The following NPHP4 variants were observed in gnomAD, a reference collection of about 807,000 sequenced individuals.
NPHP4 encodes nephrocystin 4.
NPHP4 carries 151 observed loss-of-function variants against 155.8 expected under a neutral mutation model. The observed-to-expected ratio is 0.97, with a 90% confidence interval of 0.85 to 1.11. The LOEUF (loss-of-function observed/expected upper bound fraction) is 1.11. Among genes scored for constraint, NPHP4 ranks in the 50% least tolerant of loss-of-function variants. The pLI is 0.00. For synonymous variants in NPHP4, 845 were observed against 816.8 expected (o/e 1.03, Z -0.59); for missense variants, 1,956 against 1,925.7 (o/e 1.02, Z -0.29).
At chr1:5,885,161 T>C (rs1420955001) in intron 18 of NPHP4, among the ~76,000 whole-genome samples, 1 of 133,636 alleles carries the variant, frequency 7.5e-6, no homozygotes, top group Non-Finnish European at 1.6e-5. Flanking sequence ...CGAACCCCCA[T>C]CCTACTCGAC....
At chr1:5,939,781 A>G (rs1329895557) in intron 9 of NPHP4, among the ~76,000 whole-genome samples, 1 of 152,216 alleles carries the variant, frequency 6.6e-6, no homozygotes, top group Non-Finnish European at 1.5e-5. Flanking sequence ...GGCTGGCCCC[A>G]GGCCTGCTGT....
chr1:5,980,712 C>G (rs926672069), intron 2 of NPHP4, among the ~76,000 whole-genome samples: 4 of 151,826 alleles, frequency 2.6e-5, no homozygotes, highest in African/African-American at 9.7e-5. Flanking sequence ...CTGCCTAGGT[C>G]GGCCCAGCCC....
intron 9 of NPHP4, among the ~76,000 whole-genome samples, chr1:5,940,808 C>T (rs1276616212): frequency 2.0e-5 from 3 of 152,078 alleles, no homozygotes; most frequent in South Asian, 2.1e-4. Context: ...TAGACTTGAA[C>T]AAATGGAAAG....
At chr1:5,939,472 T>C (rs1426402909) in intron 9 of NPHP4, among the ~76,000 whole-genome samples, 1 of 152,078 alleles carries the variant, frequency 6.6e-6, no homozygotes, top group Non-Finnish European at 1.5e-5. Flanking sequence ...AGGGCCTGGG[T>C]TGGGCAGGTG....
intron 16 of NPHP4, among the ~76,000 whole-genome samples, chr1:5,903,515 G>A (rs1442060372): frequency 6.6e-6 from 1 of 152,088 alleles, no homozygotes; most frequent in Non-Finnish European, 1.5e-5. Context: ...TGACCAAGAT[G>A]GGGAAACTGA....
chr1:5,871,654 G>A (rs922351219), intron 23 of NPHP4, among the ~76,000 whole-genome samples: 1 of 152,202 alleles, frequency 6.6e-6, no homozygotes, highest in African/African-American at 2.4e-5. Context: ...ACGGGTGATG[G>A]CATCAGGCCA....
chr1:5,870,115 G>A (rs1641846765), intron 23 of NPHP4, among the ~76,000 whole-genome samples: 1 of 152,160 alleles, frequency 6.6e-6, no homozygotes. Context: ...TCAAATCTTG[G>A]TTTCTAAATA....
At chr1:5,896,362 T>C (rs1297740213) in intron 16 of NPHP4, among the ~76,000 whole-genome samples, 1 of 152,154 alleles carries the variant, frequency 6.6e-6, no homozygotes, top group Non-Finnish European at 1.5e-5. Context: ...GAGCTAAGAA[T>C]TATTTTGAGG....
intron 7 of NPHP4, among the ~76,000 whole-genome samples, chr1:5,949,353 C>CACACACACAG (rs1349829666): frequency 6.6e-6 from 1 of 151,398 alleles, no homozygotes; most frequent in African/African-American, 2.4e-5. Flanking sequence ...TACACACACA[C>CACACACACAG]ACACACACAC....
chr1:5,904,358 A>T (rs1380274761), intron 16 of NPHP4, among the ~76,000 whole-genome samples: 1 of 152,228 alleles, frequency 6.6e-6, no homozygotes, highest in African/African-American at 2.4e-5. Context: ...TTTTAGATAT[A>T]CATAAGGAAA....
At chr1:5,943,805 G>A (rs1233033198) in intron 9 of NPHP4, among the ~76,000 whole-genome samples, 2 of 152,228 alleles carry the variant, frequency 1.3e-5, no homozygotes, top group African/African-American at 4.8e-5. Context: ...TAGGTGTGAT[G>A]ATGGTGTTCA....
chr1:5,922,502 CCCT>C (rs1262034345), intron 11 of NPHP4, among the ~76,000 whole-genome samples: 1 of 152,048 alleles, frequency 6.6e-6, no homozygotes, highest in Non-Finnish European at 1.5e-5. Flanking sequence ...GGTGAAGCCT[CCCT>C]CCTTCTTCAA....
At position 5,952,811 on chromosome 1, in the gene NPHP4, G is replaced by T; in HGVS notation, c.699C>A (p.Leu233=). Residue 233 remains leucine, a synonymous_variant, in exon 7 of 30, where the codon CTC becomes CTA. Transcript: ENST00000378156. ...CCAAGTGCCCCGTGATGGGCTTCTG[G>T]AGGCGAGGCTTTCGGAGAGCGTCGC... ...ESGDALRKPR[L]QKPITGHLDD... is the part of the protein sequence containing the mutation. 1 of 1,600,726 alleles carries T rather than the reference G, an allele frequency of 6.2e-7. No homozygotes were observed. The highest frequency in any genetic ancestry group is 8.5e-7 in the Non-Finnish European group (1 of 1,173,870).
intron 16 of NPHP4, among the ~76,000 whole-genome samples, chr1:5,894,543 A>G (rs1374611213): frequency 6.6e-6 from 1 of 152,146 alleles, no homozygotes. Flanking sequence ...ATCAAAAAAG[A>G]TTTTCTGGAA....
intron 23 of NPHP4, among the ~76,000 whole-genome samples, chr1:5,871,679 CG>C (rs1009133148): frequency 7.9e-5 from 12 of 152,176 alleles, no homozygotes; most frequent in African/African-American, 2.2e-4. Context: ...CACCTGAGCA[CG>C]GTGACAGCCA....
In NPHP4 at chr1:5,864,449, G is replaced by C; in HGVS notation, c.3885C>G (p.Pro1295=). Residue 1295 remains proline (P), a synonymous_variant, in exon 28 of 30, where the codon CCC becomes CCG. Transcript: ENST00000378156. ...GVQDLHVGVR[P]LRAGSRFVHL... is the part of the protein sequence containing the mutation. ...GGACAAAGCGGCTGCCGGCCCTAAG[G>C]GGCCTCACGCCAACATGCAGGTCCT... 6.2e-7 allele frequency: 1 copy of C among 1,606,534 alleles called. No homozygotes were observed. The highest frequency in any genetic ancestry group is 8.5e-7 in the Non-Finnish European group (1 of 1,176,994).
At chr1:5,868,940 A>G (rs1043090937) in intron 23 of NPHP4, among the ~76,000 whole-genome samples, 1 of 146,920 alleles carries the variant, frequency 6.8e-6, no homozygotes, top group Non-Finnish European at 1.5e-5. Flanking sequence ...GCATGCACCC[A>G]CATGCACACA....
rs143411749 is a variant in NPHP4, at chr1:5,919,322, T to A, written c.1441+8327A>T. Among the ~76,000 whole-genome samples the A allele has an allele frequency of 8.3e-3, 1,262 of 152,226 alleles. 22 individuals are homozygous for A. Among genetic ancestry groups the A allele is most frequent in the African/African-American group, 0.029 (1,189 of 41,530 alleles). On this transcript the variant is annotated intron_variant, in intron 11 of 29. Transcript: ENST00000378156. ...CTTTTTTAATACTTTTTTTGAACAG[T>A]TTTTTAGGTTCTCAGCAGTACTGAG...
intron 21 of NPHP4, 46 bp downstream of exon 21, chr1:5,874,828 G>A (rs763370268): frequency 1.2e-5 from 19 of 1,586,274 alleles, no homozygotes; most frequent in Middle Eastern, 1.7e-4. Context: ...GGCTGCACCC[G>A]ACACAGATCT....
Sources: allele counts gnomAD v4.1 joint callset (sites outside exome capture counted in the v4.1 genomes callset), GRCh38; gene constraint gnomAD v4.1.1; transcripts MANE v1.5; gene names NCBI Gene and HGNC (gene_info 2026-07-23, HGNC 2026-07-21).